PIH1D2: variants seen among roughly 807,000 people sequenced by gnomAD.
The protein encoded by PIH1D2 is PIH1 domain-containing protein 2.
PIH1D2 carries 25 observed loss-of-function variants against 31.2 expected under a neutral mutation model. The observed-to-expected ratio is 0.80, with a 90% confidence interval of 0.58 to 1.12. PIH1D2 has a LOEUF of 1.12. PIH1D2 is among the 50% of genes most tolerant of loss of function. The pLI is 0.00. For missense variants in PIH1D2, 310 were observed against 356.6 expected (o/e 0.87, Z 1.05); for synonymous variants, 116 against 119.9 (o/e 0.97, Z 0.21).
chr11:112,065,718 C>T (rs1331767988), downstream of PIH1D2, among the ~76,000 whole-genome samples: 3 of 152,190 alleles, frequency 2.0e-5, no homozygotes, highest in Admixed American at 6.5e-5. Flanking sequence ...CAGTGGCTCA[C>T]GCCTGTAATC....
chr11:112,072,421 A>G (rs1865149324), intron 2 of PIH1D2, among the ~76,000 whole-genome samples: 1 of 151,552 alleles, frequency 6.6e-6, no homozygotes, highest in Non-Finnish European at 1.5e-5. Flanking sequence ...GGTGATGCCC[A>G]CCTGTGATCC....
chr11:112,068,510 C>T (rs1250210955), intron 5 of PIH1D2, among the ~76,000 whole-genome samples: 1 of 152,060 alleles, frequency 6.6e-6, no homozygotes, highest in Non-Finnish European at 1.5e-5. Flanking sequence ...TGGCTGAGTG[C>T]GGTGGCTCAC....
chr11:112,058,156 A>T, the PIH1D2 span, among the ~76,000 whole-genome samples: 2 of 152,212 alleles, frequency 1.3e-5, no homozygotes, highest in African/African-American at 4.8e-5. Context: ...ACACCCATTC[A>T]ACATTTATTT....
At chr11:112,060,334 G>T (rs1444446675), downstream of PIH1D2, among the ~76,000 whole-genome samples, 1 of 151,142 alleles carries the variant, frequency 6.6e-6, no homozygotes, top group Non-Finnish European at 1.5e-5. Context: ...CTAGTTTTTT[G>T]TATTTTTAGT....
downstream of PIH1D2, chr11:112,067,693 T>TATATATATATATATATATAA (rs1864979068): frequency 2.4e-5 from 1 of 41,990 alleles, no homozygotes; most frequent in Non-Finnish European, 5.1e-5. Flanking sequence ...AAAATATATA[T>TATATATATATATATATATAA]ATATATATAT....
intron 5 of PIH1D2, among the ~76,000 whole-genome samples, chr11:112,069,002 T>G (rs587660842): frequency 8.2e-4 from 117 of 142,112 alleles, no homozygotes; most frequent in South Asian, 2.2e-3. Context: ...TTTTTTGTTT[T>G]TTTTTTTTTG....
rs1481414009 is a variant in PIH1D2 at position 112,073,960 on chromosome 11, C to T, written c.-32+20G>A. On this transcript the variant is annotated intron_variant, in intron 1 of 5. Coordinates refer to ENST00000280350, the MANE Select transcript of PIH1D2 (RefSeq NM_138789.4). ...CTCTCAGTTCTAACGGGTAATCATT[C>T]TATAGGTTGGCAAACCCACCTCTTC... 8 of 160,616 alleles carry T rather than the reference C, an allele frequency of 5.0e-5. No homozygotes were observed. The highest frequency in any genetic ancestry group is 1.7e-4 in the African/African-American group (7 of 41,708). 9.9% of individuals were successfully genotyped at this position (160,616 alleles called of 1,614,324 possible).
chr11:112,071,125 T>C lies in PIH1D2; in HGVS notation c.460A>G (p.Arg154Gly). Reference sequence around the variant, plus strand: ...ATTCTTTGAATGCTTCCTTTTATTCTAAATTTGGTAATATGGTAAGAGTGT... The same window carrying C: ...ATTCTTTGAATGCTTCCTTTTATTCCAAATTTGGTAATATGGTAAGAGTGT... ...LSHSYHITKFRIKGSIQRMKQ... is the reference protein window; with the variant it reads ...LSHSYHITKFGIKGSIQRMKQ... Residue 154 changes from arginine to glycine, a missense_variant, in exon 4 of 6, where the codon AGA becomes GGA. Arg to Gly is a moderately radical substitution (Grantham distance 125). Transcript: ENST00000280350. 1 of 1,613,884 alleles carries C rather than the reference T, an allele frequency of 6.2e-7. No individual in the cohort carries two copies.
chr11:112,053,059 C>T, the PIH1D2 span, among the ~76,000 whole-genome samples: 3 of 152,164 alleles, frequency 2.0e-5, no homozygotes, highest in Non-Finnish European at 2.9e-5. Context: ...GCCGGGCTCA[C>T]ACCTGTAATC....
At chr11:112,069,425 T>C (rs1252344205) in intron 5 of PIH1D2, among the ~76,000 whole-genome samples, 1 of 152,100 alleles carries the variant, frequency 6.6e-6, no homozygotes, top group Non-Finnish European at 1.5e-5. Context: ...AAAGGAATTA[T>C]GGGTATCACT....
At chr11:112,059,534 A>G (rs1864403487), downstream of PIH1D2, among the ~76,000 whole-genome samples, 1 of 152,010 alleles carries the variant, frequency 6.6e-6, no homozygotes, top group African/African-American at 2.4e-5. Context: ...CTGGCACTAC[A>G]GCTGTGCACC....
At chr11:112,066,573 G>A (rs1443192851), downstream of PIH1D2, among the ~76,000 whole-genome samples, 4 of 151,996 alleles carry the variant, frequency 2.6e-5, no homozygotes, top group East Asian at 7.7e-4. Flanking sequence ...AGGAGGTGGA[G>A]GTTTCAGTGA....
chr11:112,063,642 A>G (rs1423940757), downstream of PIH1D2: 1 of 152,280 alleles, frequency 6.6e-6, no homozygotes, highest in Non-Finnish European at 1.5e-5. Context: ...CTACTCCAGC[A>G]TCGTCTCATG....
intron 5 of PIH1D2, among the ~76,000 whole-genome samples, chr11:112,069,203 A>G (rs888498092): frequency 6.6e-6 from 1 of 151,422 alleles, no homozygotes; most frequent in African/African-American, 2.4e-5. Context: ...GGGTTTCACC[A>G]TGTTGCCCAG....
downstream of PIH1D2, among the ~76,000 whole-genome samples, chr11:112,067,219 C>T (rs1421039688): frequency 2.6e-5 from 4 of 152,116 alleles, no homozygotes; most frequent in African/African-American, 4.8e-5. Flanking sequence ...GAGACTTTTT[C>T]AAGCAGTAAA....
chr11:112,064,330 A>G (rs1864822454), downstream of PIH1D2: 2 of 934,508 alleles, frequency 2.1e-6, no homozygotes, highest in Non-Finnish European at 3.0e-6. Context: ...TGAAAGAAAA[A>G]AGTTAGAAAT....
chr11:112,063,894 A>T (rs1199946225), downstream of PIH1D2: 3 of 311,306 alleles, frequency 9.6e-6, no homozygotes, highest in African/African-American at 4.3e-5. Flanking sequence ...GAATCTGACC[A>T]GTGCTTCCTG....
At chr11:112,059,921 C>A, downstream of PIH1D2, 3 of 1,609,822 alleles carry the variant, frequency 1.9e-6, no homozygotes, top group Non-Finnish European at 2.5e-6. Context: ...TTGTTGATGT[C>A]AGTGTTGCGG....
At chr11:112,058,244 G>A (rs1047139116), downstream of PIH1D2, among the ~76,000 whole-genome samples, 2 of 152,170 alleles carry the variant, frequency 1.3e-5, no homozygotes, top group African/African-American at 4.8e-5. Flanking sequence ...GAAGATGATT[G>A]AACAAGCAAT....
Sources: allele counts gnomAD v4.1 joint callset (sites outside exome capture counted in the v4.1 genomes callset), GRCh38; gene constraint gnomAD v4.1.1; transcripts MANE v1.5; gene names NCBI Gene and HGNC (gene_info 2026-07-23, HGNC 2026-07-21).